The following NRG1 variants were observed in gnomAD, a reference collection of about 807,000 sequenced individuals.
The protein encoded by NRG1 is pro-neuregulin-1, membrane-bound isoform.
Under a neutral mutation model 63.8 loss-of-function variants are expected in NRG1, and 18 were observed. The ratio of observed to expected loss-of-function variants is 0.28; its 90% CI spans 0.19 to 0.42. NRG1 has a LOEUF of 0.42. NRG1 is among the 10% of genes least tolerant of loss of function. NRG1 has a pLI of 1.00. For synonymous variants in NRG1, 302 were observed against 301.3 expected, an observed-to-expected ratio of 1.00 and a Z score of -0.02; for missense variants, 762 against 814.7, an observed-to-expected ratio of 0.94 and a Z score of 0.79.
intron 1 of NRG1, among the ~76,000 whole-genome samples, chr8:31,859,942 C>T (rs1168706197): frequency 6.6e-6 from 1 of 151,970 alleles, no homozygotes; most frequent in Non-Finnish European, 1.5e-5. Flanking sequence ...GTTTTTTTTC[C>T]CAGCTCAGTG....
intron 1 of NRG1, among the ~76,000 whole-genome samples, chr8:32,416,501 T>C (rs2129485825): frequency 6.6e-6 from 1 of 152,188 alleles, no homozygotes; most frequent in Middle Eastern, 3.4e-3. Context: ...AAGCAGCGAT[T>C]CTCGAATATA....
intron 1 of NRG1, among the ~76,000 whole-genome samples, chr8:32,263,535 C>T (rs538888766): frequency 1.3e-5 from 2 of 152,256 alleles, no homozygotes; most frequent in South Asian, 2.1e-4. Context: ...TGTCTTGCTA[C>T]GTTTGCTTTG....
At chr8:32,652,407 G>A (rs1256874222) in intron 5 of NRG1, among the ~76,000 whole-genome samples, 1 of 152,030 alleles carries the variant, frequency 6.6e-6, no homozygotes, top group Non-Finnish European at 1.5e-5. Context: ...AGATTGCTCT[G>A]TGGCTCACTT....
chr8:32,247,658 C>T (rs1848713847), intron 1 of NRG1, among the ~76,000 whole-genome samples: 1 of 152,024 alleles, frequency 6.6e-6, no homozygotes, highest in East Asian at 1.9e-4. Flanking sequence ...CAATACTTTG[C>T]TACCTTAACT....
chr8:32,311,976 C>G (rs1029837482), intron 1 of NRG1, among the ~76,000 whole-genome samples: 1 of 152,062 alleles, frequency 6.6e-6, no homozygotes, highest in African/African-American at 2.4e-5. Flanking sequence ...CATGGATAAT[C>G]CATGCAGTGT....
chr8:32,599,267 CAACCA>C (rs1843900146), intron 2 of NRG1, among the ~76,000 whole-genome samples: 1 of 152,088 alleles, frequency 6.6e-6, no homozygotes, highest in Admixed American at 6.6e-5. Flanking sequence ...AGGCTATGAT[CAACCA>C]AGCAGAGGTG....
At chr8:32,488,940 G>T (rs1826220507) in intron 1 of NRG1, among the ~76,000 whole-genome samples, 1 of 152,152 alleles carries the variant, frequency 6.6e-6, no homozygotes, top group South Asian at 2.1e-4. Flanking sequence ...TTCATTGAGG[G>T]GCATAAAGCA....
At chr8:31,708,515 G>T (rs1169197588) in intron 1 of NRG1, among the ~76,000 whole-genome samples, 1 of 146,490 alleles carries the variant, frequency 6.8e-6, no homozygotes, top group Non-Finnish European at 1.5e-5. Context: ...GCGGGATCTC[G>T]GCTCACTGCA....
intron 1 of NRG1, among the ~76,000 whole-genome samples, chr8:32,366,713 A>C (rs1453221817): frequency 1.4e-4 from 12 of 87,268 alleles, no homozygotes; most frequent in South Asian, 3.5e-4. Context: ...ATATATATAT[A>C]TCTCACTTTT....
chr8:32,518,444 A>T (rs1449779129), intron 1 of NRG1, among the ~76,000 whole-genome samples: 2 of 152,260 alleles, frequency 1.3e-5, no homozygotes, highest in South Asian at 2.1e-4. Flanking sequence ...TGACAAACTG[A>T]CCTATGGCAG....
intron 1 of NRG1, among the ~76,000 whole-genome samples, chr8:32,349,304 C>T (rs1299704051): frequency 2.0e-5 from 3 of 152,142 alleles, no homozygotes; most frequent in African/African-American, 7.2e-5. Flanking sequence ...TTCAAATCTT[C>T]CCATAGTCCT....
chr8:32,162,624 T>C (rs1357634772), intron 1 of NRG1, among the ~76,000 whole-genome samples: 1 of 152,170 alleles, frequency 6.6e-6, no homozygotes, highest in African/African-American at 2.4e-5. Flanking sequence ...GGGGAAATAT[T>C]TGCCAGCCAC....
chr8:32,158,440 GT>G (rs1838393062), intron 1 of NRG1, among the ~76,000 whole-genome samples: 1 of 38,708 alleles, frequency 2.6e-5, no homozygotes, highest in Non-Finnish European at 6.5e-5. Flanking sequence ...TCTTTGTTTG[GT>G]TTACATGATA....
intron 1 of NRG1, among the ~76,000 whole-genome samples, chr8:31,712,155 CT>C (rs371527473): frequency 1.7e-3 from 248 of 148,328 alleles, no homozygotes; most frequent in Non-Finnish European, 3.1e-3. Flanking sequence ...TTTTCTGTAG[CT>C]TTTTTTTATC....
intron 1 of NRG1, among the ~76,000 whole-genome samples, chr8:31,660,225 G>C (rs1269583395): frequency 2.0e-5 from 3 of 152,186 alleles, no homozygotes; most frequent in Non-Finnish European, 4.4e-5. Flanking sequence ...GGCAAGCTAT[G>C]ATTGATTGCT....
At chr8:32,030,752 C>T (rs535978772) in intron 1 of NRG1, among the ~76,000 whole-genome samples, 1 of 152,258 alleles carries the variant, frequency 6.6e-6, no homozygotes, top group East Asian at 1.9e-4. Flanking sequence ...TCCCAGCATA[C>T]GTCTGCCATG....
chr8:31,795,825 G>T (rs13248543), intron 1 of NRG1, among the ~76,000 whole-genome samples: 7,543 of 152,078 alleles, frequency 0.05, 252 homozygotes, highest in Admixed American at 0.11. Context: ...ATTTTTCTGG[G>T]ATTTACTCTA....
In NRG1 at chr8:32,763,743, C is replaced by T. The variant is rs762424708; in HGVS notation, c.1260-5C>T. Reference sequence around the variant, plus strand: ...ACTTATGCAGGGTATTCTGTGCTCACACAGGTATGTGTCAGCCATGACCAC... The same window carrying T: ...ACTTATGCAGGGTATTCTGTGCTCATACAGGTATGTGTCAGCCATGACCAC... On this transcript the variant is annotated splice_region_variant and splice_polypyrimidine_tract_variant and intron_variant, in intron 11 of 11. Transcript: ENST00000356819. 1 of 1,535,196 alleles carries T rather than the reference C, an allele frequency of 6.5e-7. No homozygotes were observed. Among genetic ancestry groups the T allele is most frequent in the Non-Finnish European group, 8.8e-7 (1 of 1,142,090 alleles).
chr8:31,871,180 A>T (rs897880748), intron 1 of NRG1, among the ~76,000 whole-genome samples: 14 of 152,008 alleles, frequency 9.2e-5, no homozygotes. Flanking sequence ...TTTCACCCTG[A>T]TGGCCAGGAT....
Sources: allele counts gnomAD v4.1 joint callset (sites outside exome capture counted in the v4.1 genomes callset), GRCh38; gene constraint gnomAD v4.1.1; transcripts MANE v1.5; gene names NCBI Gene and HGNC (gene_info 2026-07-23, HGNC 2026-07-21).